Variants in SNTG1 observed in about 807,000 individuals in gnomAD.
The protein encoded by SNTG1 is gamma-1-syntrophin.
A neutral mutation model predicts 74.7 loss-of-function variants in SNTG1; 39 were observed. The ratio of observed to expected loss-of-function variants is 0.52; its 90% CI spans 0.40 to 0.68. The LOEUF is 0.68. SNTG1 is among the 30% of genes least tolerant of loss of function. SNTG1 has a pLI of 0.00. For missense variants in SNTG1, 685 were observed against 609.5 expected (o/e 1.12, Z -1.30); for synonymous variants, 254 against 217.1 (o/e 1.17, Z -1.49).
chr8:49,976,029 G>C (rs1812161751), intron 1 of SNTG1, among the ~76,000 whole-genome samples: 1 of 152,058 alleles, frequency 6.6e-6, no homozygotes, highest in Admixed American at 6.6e-5. Flanking sequence ...TTCAAAAACT[G>C]TGATAGAGAA....
intron 9 of SNTG1, among the ~76,000 whole-genome samples, chr8:50,522,084 A>G (rs1320221547): frequency 1.3e-5 from 2 of 152,190 alleles, no homozygotes; most frequent in East Asian, 3.8e-4. Flanking sequence ...CATCAGAGTA[A>G]TCCCCATCTA....
At chr8:50,494,631 A>C (rs1258127015) in intron 8 of SNTG1, among the ~76,000 whole-genome samples, 1 of 152,044 alleles carries the variant, frequency 6.6e-6, no homozygotes, top group Non-Finnish European at 1.5e-5. Context: ...TGTTGCTTGA[A>C]TCATTGAGGA....
chr8:50,041,885 G>A (rs1818671092), intron 1 of SNTG1, among the ~76,000 whole-genome samples: 8 of 152,122 alleles, frequency 5.3e-5, no homozygotes, highest in Admixed American at 5.2e-4. Context: ...TAGCAGAGGT[G>A]GCTACAAAAT....
intron 1 of SNTG1, among the ~76,000 whole-genome samples, chr8:50,108,544 A>G (rs185237866): frequency 2.8e-4 from 42 of 152,344 alleles, no homozygotes; most frequent in Admixed American, 1.6e-3. Context: ...TTTATTTTGT[A>G]ACAAAACATT....
intron 13 of SNTG1, among the ~76,000 whole-genome samples, chr8:50,628,897 A>T (rs906755871): frequency 2.6e-5 from 4 of 152,168 alleles, no homozygotes; most frequent in African/African-American, 9.7e-5. Context: ...TTACCAGAAT[A>T]TTCCTGCATA....
intron 12 of SNTG1, among the ~76,000 whole-genome samples, chr8:50,554,652 G>A (rs1270078653): frequency 6.6e-6 from 1 of 151,816 alleles, no homozygotes; most frequent in African/African-American, 2.4e-5. Flanking sequence ...AGTTGAGGTT[G>A]CACAAGAGGG....
intron 2 of SNTG1, among the ~76,000 whole-genome samples, chr8:50,206,469 G>A (rs912246966): frequency 2.0e-5 from 3 of 152,214 alleles, no homozygotes; most frequent in Admixed American, 6.5e-5. Flanking sequence ...ATTTTAGGCT[G>A]AGACGATGGG....
At chr8:49,975,767 ATATGTG>A (rs1318632174) in intron 1 of SNTG1, among the ~76,000 whole-genome samples, 1 of 147,010 alleles carries the variant, frequency 6.8e-6, no homozygotes, top group African/African-American at 2.5e-5. Context: ...ATATATATAT[ATATGTG>A]TGTGTGTGTG....
upstream of SNTG1, chr8:49,911,149 C>T (rs1000987691): frequency 3.3e-5 from 5 of 152,154 alleles, no homozygotes; most frequent in African/African-American, 1.2e-4. Flanking sequence ...GTCTAAGAAT[C>T]TTCACTGGGT....
intron 17 of SNTG1, among the ~76,000 whole-genome samples, chr8:50,734,745 G>GTATATAGATATCTATATATATGGACATA (rs1563792172): frequency 3.3e-4 from 24 of 72,538 alleles, no homozygotes; most frequent in East Asian, 6.9e-4. Flanking sequence ...ATATGGACAT[G>GTATATAGATATCTATATATATGGACATA]TATATAGATA....
intron 17 of SNTG1, among the ~76,000 whole-genome samples, chr8:50,725,938 G>T (rs2095499036): frequency 6.6e-6 from 1 of 152,176 alleles, no homozygotes; most frequent in African/African-American, 2.4e-5. Flanking sequence ...TGTAGGATTG[G>T]CAAGGCTCTT....
intron 1 of SNTG1, among the ~76,000 whole-genome samples, chr8:49,960,000 G>A (rs920731448): frequency 3.3e-5 from 5 of 152,294 alleles, no homozygotes; most frequent in African/African-American, 7.2e-5. Flanking sequence ...GCTAATTAGC[G>A]TCAACAGTAT....
At chr8:50,085,152 G>A (rs1224096646) in intron 1 of SNTG1, among the ~76,000 whole-genome samples, 5 of 152,164 alleles carry the variant, frequency 3.3e-5, no homozygotes, top group Non-Finnish European at 7.3e-5. Context: ...GAAGAATTTA[G>A]ATAAAGCCTC....
chr8:50,496,032 T>G (rs371456472), intron 8 of SNTG1, among the ~76,000 whole-genome samples: 2 of 152,302 alleles, frequency 1.3e-5, no homozygotes, highest in South Asian at 2.1e-4. Context: ...ATAGTCAGTA[T>G]TTTAGAGTGA....
At chr8:50,572,915 T>G (rs1178691191) in intron 12 of SNTG1, among the ~76,000 whole-genome samples, 1 of 152,164 alleles carries the variant, frequency 6.6e-6, no homozygotes, top group Non-Finnish European at 1.5e-5. Flanking sequence ...TCTAGCTTTT[T>G]GGTTAAATCT....
chr8:50,052,348 G>A (rs2130884594), intron 1 of SNTG1, among the ~76,000 whole-genome samples: 1 of 152,096 alleles, frequency 6.6e-6, no homozygotes, highest in East Asian at 1.9e-4. Flanking sequence ...TTATCCAACG[G>A]CACAAGGACT....
At chr8:50,632,287 T>G (rs2095004792) in intron 13 of SNTG1, among the ~76,000 whole-genome samples, 1 of 125,364 alleles carries the variant, frequency 8.0e-6, no homozygotes, top group Non-Finnish European at 1.6e-5. Flanking sequence ...CTTTTTAATT[T>G]TATTTATTTA....
chr8:50,422,809 GT>G (rs2093110638), intron 4 of SNTG1, among the ~76,000 whole-genome samples: 1 of 152,158 alleles, frequency 6.6e-6, no homozygotes, highest in South Asian at 2.1e-4. Flanking sequence ...AGTTGTGTAT[GT>G]CTACACTTTA....
At chr8:50,010,691 A>C (rs1044098700) in intron 1 of SNTG1, among the ~76,000 whole-genome samples, 4 of 151,352 alleles carry the variant, frequency 2.6e-5, no homozygotes, top group Admixed American at 2.6e-4. Flanking sequence ...TACTAAAAAC[A>C]TCCCCGTAGG....
Sources: allele counts gnomAD v4.1 joint callset (sites outside exome capture counted in the v4.1 genomes callset), GRCh38; gene constraint gnomAD v4.1.1; transcripts MANE v1.5; gene names NCBI Gene and HGNC (gene_info 2026-07-23, HGNC 2026-07-21).